Variants in KNL1 observed in about 807,000 individuals in gnomAD.
The protein encoded by KNL1 is kinetochore scaffold 1.
In KNL1, 66 loss-of-function variants were observed where a neutral mutation model predicts 201.3. That is an observed-to-expected ratio of 0.33 (90% CI 0.27 to 0.40). KNL1 has a LOEUF of 0.40. KNL1 is among the 10% of genes least tolerant of loss of function. The pLI is 1.00. For missense variants in KNL1, 2,815 were observed against 2,690.5 expected (o/e 1.05, Z -1.02); for synonymous variants, 895 against 899.2 (o/e 1.00, Z 0.08).
At chr15:40,658,234 C>G (rs995938599) in intron 24 of KNL1, among the ~76,000 whole-genome samples, 2 of 151,808 alleles carry the variant, frequency 1.3e-5, no homozygotes, top group East Asian at 3.9e-4. Flanking sequence ...CCACTGCCCT[C>G]CAGCCTGGGC....
In KNL1 at chr15:40,626,885, G is replaced by A. The variant is rs528948144; in HGVS notation, c.5377-1185G>A. ...ATAAGCCACCACGGCCCATAATGGC[G>A]TTTATTTATTTATTTTTGTTTTGTT... On this transcript the variant is annotated intron_variant, in intron 10 of 25. Transcript: ENST00000399668. 1.6e-4 allele frequency among the ~76,000 whole-genome samples: 24 copies of A among 150,174 alleles called. No individual in the cohort carries two copies. The South Asian group carries it at 2.5e-3, about 16-fold the overall frequency.
At chr15:40,602,480 C>G (rs112657607) in intron 1 of KNL1, among the ~76,000 whole-genome samples, 88 of 79,134 alleles carry the variant, frequency 1.1e-3, no homozygotes, top group African/African-American at 4.4e-3. Flanking sequence ...TTTTTCCTTC[C>G]TTTTTTTTTT....
intron 13 of KNL1, among the ~76,000 whole-genome samples, chr15:40,633,504 A>G (rs1892973430): frequency 6.6e-6 from 1 of 152,070 alleles, no homozygotes; most frequent in Non-Finnish European, 1.5e-5. Flanking sequence ...ATAACAGACC[A>G]TTAGGTTGCT....
In KNL1 at chr15:40,622,748, A is replaced by G. The variant is rs564639019; in HGVS notation, c.2484A>G (p.Leu828=). Residue 828 remains leucine, a synonymous_variant, in exon 10 of 26, where the codon TTA becomes TTG. Transcript: ENST00000399668. ...AATCTAACTGTATTATGGATGTGTT[A>G]GAGGACGAAAGTGTACAGAAACCTA... ...VLKSNCIMDV[L]EDESVQKPKF... is the part of the protein sequence containing the mutation. The G allele has an allele frequency of 4.4e-6, 7 of 1,605,154 alleles. No individual in the cohort carries two copies. Among genetic ancestry groups the G allele is most frequent in the African/African-American group, 1.3e-5 (1 of 74,396 alleles).
chr15:40,643,723 C>A (rs774665525), intron 14 of KNL1, among the ~76,000 whole-genome samples: 2 of 152,148 alleles, frequency 1.3e-5, no homozygotes, highest in African/African-American at 4.8e-5. Context: ...TCTTTATAAG[C>A]GAAATGTTTC....
chr15:40,595,723 T>C (rs150098276), intron 1 of KNL1, among the ~76,000 whole-genome samples: 2 of 152,338 alleles, frequency 1.3e-5, no homozygotes, highest in East Asian at 3.9e-4. Context: ...GACATGGGAC[T>C]ATGGAGCACT....
Position 40,624,992 on chromosome 15 carries a change from T to A in KNL1, c.4728T>A (p.Thr1576=), listed in dbSNP as rs1487472576. 1 of 1,614,042 alleles carries A rather than the reference T, an allele frequency of 6.2e-7. No individual in the cohort carries two copies. Among genetic ancestry groups the A allele is most frequent in the East Asian group, 2.2e-5 (1 of 44,874 alleles). ...CTGGAGAGTTTTTAGCCTTTCAAAC[T>A]GTTCATCTACCACCCCTTCCAGAGC... ...GKTGEFLAFQ[T]VHLPPLPEQL... Residue 1576 remains threonine, a synonymous_variant, in exon 10 of 26, where the codon ACT becomes ACA. Coordinates refer to ENST00000399668, the MANE Select transcript of KNL1 (RefSeq NM_144508.5).
intron 16 of KNL1, among the ~76,000 whole-genome samples, chr15:40,646,534 A>G (rs775627637): frequency 6.6e-6 from 1 of 152,052 alleles, no homozygotes; most frequent in Admixed American, 6.6e-5. Flanking sequence ...TTAAGTTCCA[A>G]CCTAAAGCTT....
At chr15:40,603,042 C>A in intron 2 of KNL1, 76 bp downstream of exon 2, 1 of 923,298 alleles carries the variant, frequency 1.1e-6, no homozygotes, top group Non-Finnish European at 1.7e-6. Context: ...AAGACCTATC[C>A]ATAACTTCTG....
At chr15:40,598,871 A>T (rs1891695607) in intron 1 of KNL1, among the ~76,000 whole-genome samples, 1 of 151,626 alleles carries the variant, frequency 6.6e-6, no homozygotes, top group African/African-American at 2.4e-5. Context: ...TGGCGTGATC[A>T]CGGCTCACTG....
At chr15:40,629,489 CCTTTT>C (rs1892847370) in intron 13 of KNL1, 118 bp downstream of exon 13, 1 of 228,924 alleles carries the variant, frequency 4.4e-6, no homozygotes. Flanking sequence ...TTTTTTTTTG[CCTTTT>C]CTTTTTTTTT....
intron 7 of KNL1, 128 bp downstream of exon 7, chr15:40,611,639 A>G (rs966553164): frequency 6.0e-5 from 10 of 166,466 alleles, no homozygotes; most frequent in African/African-American, 2.4e-4. Context: ...AATTTAGTAT[A>G]CTGCTATATC....
intron 6 of KNL1, chr15:40,610,703 GTA>G: frequency 2.2e-6 from 1 of 455,500 alleles, no homozygotes; most frequent in Non-Finnish European, 4.4e-6. Context: ...AACAAAAAAA[GTA>G]TACCTTGAGT....
chr15:40,624,271 A>C lies in KNL1; in HGVS notation c.4007A>C (p.Gln1336Pro), dbSNP rs761162936. ...DEEKANYCPV[Q>P]NDLAYANDFA... ...GAAAAAGCCAATTATTGCCCAGTGC[A>C]AAATGATCTTGCTTATGCAAATGAT... The change falls in exon 10 of 26, where the codon CAA (glutamine) becomes CCA (proline). Residue 1336 changes from glutamine (Q) to proline (P), a missense_variant. Gln to Pro is a moderately conservative substitution (Grantham distance 76). This residue lies in a region of KNL1 where 2,464 missense variants were observed against 2,291.7 expected (regional missense o/e 1.08). Coordinates refer to ENST00000399668, the MANE Select transcript of KNL1 (RefSeq NM_144508.5). 6.0e-5 allele frequency: 97 copies of C among 1,614,118 alleles called. 1 individual carries two copies. The South Asian group carries it at 1.0e-3, about 17-fold the overall frequency.
chr15:40,610,197 A>G (rs1231155144), intron 5 of KNL1, 48 bp from the exon 6 acceptor site: 2 of 991,204 alleles, frequency 2.0e-6, no homozygotes, highest in Non-Finnish European at 3.2e-6. Flanking sequence ...ACCAAAAGAT[A>G]ATGATTACAA....
chr15:40,604,859 A>G (rs1325336821), intron 2 of KNL1, among the ~76,000 whole-genome samples: 1 of 152,222 alleles, frequency 6.6e-6, no homozygotes, highest in Non-Finnish European at 1.5e-5. Context: ...TCTTATTATT[A>G]TACCTCTATA....
chr15:40,633,974 T>C (rs899978718), intron 13 of KNL1, among the ~76,000 whole-genome samples: 8 of 152,366 alleles, frequency 5.3e-5, no homozygotes, highest in African/African-American at 1.4e-4. Context: ...ATGGGTGTTA[T>C]TATTTCTCAA....
Position 40,647,050 on chromosome 15 carries a change from A to G in KNL1, c.6070A>G (p.Asn2024Asp). The G allele has an allele frequency of 6.5e-7, 1 of 1,536,432 alleles. No individual in the cohort carries two copies. ...GGATAAAATACTTAAGAAGATCGATAACTGCCTCACTGAGATGGAAACAGG... is the reference window on the plus strand; with the variant it reads ...GGATAAAATACTTAAGAAGATCGATGACTGCCTCACTGAGATGGAAACAGG... ...EMDKILKKID[N>D]CLTEMETETK... The change falls in exon 17 of 26, where the codon AAC (asparagine) becomes GAC (aspartate). Residue 2024 changes from asparagine to aspartate, a missense_variant. Physicochemically the swap from Asn to Asp is conservative, Grantham distance 23. This residue lies in a region of KNL1 where 334 missense variants were observed against 362.6 expected (regional missense o/e 0.92). Transcript: ENST00000399668.
In KNL1 at chr15:40,624,605, C is replaced by A; in HGVS notation, c.4341C>A (p.Thr1447=). 6.2e-7 allele frequency: 1 copy of A among 1,613,810 alleles called. No homozygotes were observed. The highest frequency in any genetic ancestry group is 2.2e-5 in the East Asian group (1 of 44,862). ...IYVIPQPHFS[T]DQPPLPKKGQ... ...TTATTCCTCAGCCTCATTTCTCAAC[C>A]GACCAACCTCCATTACCTAAAAAAG... Residue 1447 remains threonine (T), a synonymous_variant, in exon 10 of 26, where the codon ACC becomes ACA. Coordinates refer to ENST00000399668, the MANE Select transcript of KNL1 (RefSeq NM_144508.5).
Sources: gnomAD v4.1 joint callset for allele counts (sites outside exome capture counted in the v4.1 genomes callset) on GRCh38, gnomAD v4.1.1 for gene constraint, gnomAD v4.1.1 regional missense constraint, MANE v1.5 for transcripts, NCBI Gene and HGNC (gene_info 2026-07-23, HGNC 2026-07-21) for gene names.